The following ARHGAP19 variants were observed in gnomAD, a reference collection of about 807,000 sequenced individuals.
ARHGAP19 encodes the protein rho GTPase-activating protein 19.
A neutral mutation model predicts 60.9 loss-of-function variants in ARHGAP19; 48 were observed. That is an observed-to-expected ratio of 0.79 (90% CI 0.62 to 1.00). ARHGAP19 has a LOEUF of 1.00. ARHGAP19 is among the 50% of genes least tolerant of loss of function. The pLI is 0.00. For missense variants in ARHGAP19, 562 were observed against 597.2 expected (o/e 0.94, Z 0.61); for synonymous variants, 209 against 215.5 (o/e 0.97, Z 0.27).
At chr10:97,287,387 T>C (rs1273584038) in intron 1 of ARHGAP19, among the ~76,000 whole-genome samples, 1 of 152,200 alleles carries the variant, frequency 6.6e-6, no homozygotes, top group African/African-American at 2.4e-5. Context: ...GAGGGGGTGT[T>C]CCTCATCAAC....
chr10:97,285,031 T>G (rs1227082476), intron 1 of ARHGAP19, among the ~76,000 whole-genome samples: 1 of 150,958 alleles, frequency 6.6e-6, no homozygotes, highest in African/African-American at 2.4e-5. Flanking sequence ...ACCCAGCTAA[T>G]TTTTTGTATT....
At chr10:97,268,424 T>C (rs905250397) in intron 1 of ARHGAP19, among the ~76,000 whole-genome samples, 9 of 152,228 alleles carry the variant, frequency 5.9e-5, no homozygotes, top group African/African-American at 2.2e-4. Flanking sequence ...TTTTCAGGTA[T>C]CCTTACAGTA....
At chr10:97,270,120 A>C (rs1842943534) in intron 1 of ARHGAP19, among the ~76,000 whole-genome samples, 1 of 151,990 alleles carries the variant, frequency 6.6e-6, no homozygotes, top group Non-Finnish European at 1.5e-5. Context: ...GATACCTTGG[A>C]TCTCCTAACA....
At chr10:97,251,164 G>GGGGAAGC in intron 6 of ARHGAP19, among the ~76,000 whole-genome samples, 1 of 104,502 alleles carries the variant, frequency 9.6e-6, no homozygotes. Context: ...CCAAGGGGAA[G>GGGGAAGC]GGAAGGGGAA....
chr10:97,292,616 C>T lies in ARHGAP19; in HGVS notation c.12G>A (p.Glu4=). 1 of 1,614,242 alleles carries T rather than the reference C, an allele frequency of 6.2e-7. No homozygotes were observed. Among genetic ancestry groups the T allele is most frequent in the Non-Finnish European group, 8.5e-7 (1 of 1,180,040 alleles). The change falls in exon 1 of 12, where the codon GAG becomes GAA. Residue 4 remains glutamate (E), a synonymous_variant. Coordinates refer to ENST00000358531, the MANE Select transcript of ARHGAP19 (RefSeq NM_032900.6). MAT[E]AQSEGEVPAR... ...CTGGCACCTCCCCTTCACTCTGTGC[C>T]TCAGTCGCCATCTTCGTCAGCAAAC...
At chr10:97,259,850 T>TTTTGTTTTGTTTTG (rs1554864400) in intron 4 of ARHGAP19, among the ~76,000 whole-genome samples, 32 of 29,704 alleles carry the variant, frequency 1.1e-3, no homozygotes, top group East Asian at 5.7e-3. Context: ...GTTTTGTTTT[T>TTTTGTTTTGTTTTG]TTTGAGACAA....
chr10:97,241,480 C>T (rs969880475), intron 8 of ARHGAP19, among the ~76,000 whole-genome samples: 6 of 151,500 alleles, frequency 4.0e-5, no homozygotes, highest in South Asian at 2.1e-4. Flanking sequence ...TTTGGGAGGC[C>T]GAGGCAGGTG....
chr10:97,263,292 A>G, intron 4 of ARHGAP19, 128 bp downstream of exon 4: 2 of 929,596 alleles, frequency 2.2e-6, no homozygotes, highest in South Asian at 3.1e-5. Context: ...GAAGTCCAGC[A>G]ACATCACGAA....
intron 1 of ARHGAP19, among the ~76,000 whole-genome samples, chr10:97,285,896 GTT>G (rs994559480): frequency 2.2e-4 from 33 of 152,288 alleles, no homozygotes; most frequent in African/African-American, 7.9e-4. Context: ...CGACCCAATT[GTT>G]CTGACCAAAG....
At position 97,263,400 on chromosome 10, in the gene ARHGAP19, T is replaced by C; in HGVS notation, c.613+20A>G. On this transcript the variant is annotated intron_variant, in intron 4 of 11. Transcript: ENST00000358531. ...TTGAAAGAAATGTATTTACATCTCC[T>C]TCTTACTTCCTATACTCACCAGCGA... is the stretch of plus-strand genomic sequence containing the variant. 1.2e-6 allele frequency: 2 copies of C among 1,610,620 alleles called. No homozygotes were observed. The highest frequency in any genetic ancestry group is 1.7e-6 in the Non-Finnish European group (2 of 1,176,826).
At chr10:97,251,789 G>A (rs10882882) in intron 6 of ARHGAP19, among the ~76,000 whole-genome samples, 10 of 12 alleles carry the variant, frequency 0.83, 5 homozygotes, top group African/African-American at 1. Context: ...GGGAAAAGGG[G>A]AAGAAAAGGA....
intron 8 of ARHGAP19, 29 bp from the exon 9 acceptor site, chr10:97,235,344 A>G: frequency 1.3e-6 from 2 of 1,557,154 alleles, no homozygotes; most frequent in Non-Finnish European, 1.8e-6. Context: ...AACATTTTAT[A>G]AATACTTTCC....
intron 4 of ARHGAP19, among the ~76,000 whole-genome samples, 200 bp from the exon 5 acceptor site, chr10:97,259,828 C>CTGTTT (rs113068001): frequency 0.046 from 6,922 of 148,914 alleles, 271 homozygotes; most frequent in African/African-American, 0.11. Flanking sequence ...ATTAAAAAAC[C>CTGTTT]TGTTTTGTTT....
In ARHGAP19 at chr10:97,235,212, C is replaced by T; in HGVS notation, c.1284+5G>A. ...ATGCTGAAAACGACAGCCCAGCATA[C>T]CTACCTTAATAAGCCCACTGAAGGA... On this transcript the variant is annotated splice_donor_5th_base_variant and intron_variant, in intron 9 of 11. Coordinates refer to ENST00000358531, the MANE Select transcript of ARHGAP19 (RefSeq NM_032900.6). The T allele has an allele frequency of 6.2e-7, 1 of 1,604,692 alleles. No homozygotes were observed. Among genetic ancestry groups the T allele is most frequent in the South Asian group, 1.1e-5 (1 of 90,560 alleles).
At chr10:97,258,335 G>A (rs1197428652) in intron 5 of ARHGAP19, among the ~76,000 whole-genome samples, 2 of 152,136 alleles carry the variant, frequency 1.3e-5, no homozygotes, top group Non-Finnish European at 2.9e-5. Flanking sequence ...AGACCCGCCT[G>A]ACCAACATGG....
At position 97,273,031 on chromosome 10, in the gene ARHGAP19, G is replaced by A. The variant is rs531715214; in HGVS notation, c.57-6906C>T. Among the ~76,000 whole-genome samples the A allele has an allele frequency of 3.3e-5, 5 of 151,942 alleles. No individual in the cohort carries two copies. The East Asian group carries it at 5.8e-4, about 18-fold the overall frequency. ...AATTTTTTGTATTTTTAGTGGAGAC[G>A]GGGTTTCACCGTGTTAGCCAGGATG... On this transcript the variant is annotated intron_variant, in intron 1 of 11. Coordinates refer to ENST00000358531, the MANE Select transcript of ARHGAP19 (RefSeq NM_032900.6).
At chr10:97,231,974 C>A (rs905223520) in intron 9 of ARHGAP19, among the ~76,000 whole-genome samples, 2 of 146,166 alleles carry the variant, frequency 1.4e-5, no homozygotes, top group African/African-American at 5.2e-5. Context: ...TTGTTATTTT[C>A]CGTTGTTTTT....
At chr10:97,270,523 T>C (rs904705549) in intron 1 of ARHGAP19, 2 of 1,145,022 alleles carry the variant, frequency 1.7e-6, no homozygotes, top group Non-Finnish European at 2.5e-6. Flanking sequence ...CTACTATATT[T>C]AAGCAAAAAC....
chr10:97,264,163 G>A (rs911032220), intron 3 of ARHGAP19, among the ~76,000 whole-genome samples: 1 of 152,050 alleles, frequency 6.6e-6, no homozygotes, highest in Admixed American at 6.6e-5. Flanking sequence ...TAAACTATTC[G>A]TCCCTAGGCC....
Sources: allele counts gnomAD v4.1 joint callset (sites outside exome capture counted in the v4.1 genomes callset), GRCh38; gene constraint gnomAD v4.1.1; transcripts MANE v1.5; gene names NCBI Gene and HGNC (gene_info 2026-07-23, HGNC 2026-07-21).